FNDC3B: variants seen among roughly 807,000 people sequenced by gnomAD.
The protein encoded by FNDC3B is fibronectin type III domain containing 3B, also known as fibronectin type III domain-containing protein 3B.
Under a neutral mutation model 151.5 loss-of-function variants are expected in FNDC3B, and 12 were observed. The ratio of observed to expected loss-of-function variants is 0.08; its 90% CI spans 0.05 to 0.13. The LOEUF (loss-of-function observed/expected upper bound fraction) is 0.13. Among genes scored for constraint, FNDC3B ranks in the 10% least tolerant of loss-of-function variants. The pLI is 1.00. For synonymous variants in FNDC3B, 528 were observed against 549.0 expected (o/e 0.96, Z 0.54); for missense variants, 1,214 against 1,505.3 (o/e 0.81, Z 3.20).
At position 172,397,215 on chromosome 3, in the gene FNDC3B, A is replaced by G. The variant is rs1560116246; in HGVS notation, c.3355A>G (p.Thr1119Ala). ...CCAAATCTCAGGCCTCCAGACCAAC[A>G]CAGACTACAGGTTCCGCGTATGTGC... ...TFQISGLQTNTDYRFRVCACR... is the reference protein window; with the variant it reads ...TFQISGLQTNADYRFRVCACR... The change falls in exon 26 of 26, where the codon ACA becomes GCA. Residue 1119 changes from threonine (T) to alanine (A), a missense_variant. Physicochemically the swap from Thr to Ala is moderately conservative, Grantham distance 58. Transcript: ENST00000415807. 1.9e-6 allele frequency: 3 copies of G among 1,614,162 alleles called. No homozygotes were observed. Among genetic ancestry groups the G allele is most frequent in the Non-Finnish European group, 2.5e-6 (3 of 1,180,010 alleles).
chr3:172,196,276 C>G (rs978529259), intron 3 of FNDC3B, among the ~76,000 whole-genome samples: 9 of 152,118 alleles, frequency 5.9e-5, no homozygotes, highest in African/African-American at 2.2e-4. Context: ...CAGCCTCGAA[C>G]TTCCAGGTTC....
intron 23 of FNDC3B, among the ~76,000 whole-genome samples, chr3:172,365,585 T>A (rs1215025397): frequency 6.6e-6 from 1 of 152,180 alleles, no homozygotes; most frequent in African/African-American, 2.4e-5. Context: ...CCTGGACTTT[T>A]ATGTTGAAAG....
At chr3:172,378,651 A>G (rs1032764434) in intron 24 of FNDC3B, among the ~76,000 whole-genome samples, 2 of 152,224 alleles carry the variant, frequency 1.3e-5, no homozygotes, top group Non-Finnish European at 2.9e-5. Flanking sequence ...GTAGGTATGC[A>G]TGTTTATCAA....
At chr3:172,335,187 G>T (rs578262053) in intron 15 of FNDC3B, 105 bp downstream of exon 15, 1 of 1,237,862 alleles carries the variant, frequency 8.1e-7, no homozygotes, top group South Asian at 1.8e-5. Flanking sequence ...ATTGTGGATG[G>T]TATTTGCAGA....
chr3:172,081,987 T>A (rs1393687828), intron 1 of FNDC3B, among the ~76,000 whole-genome samples: 2 of 152,212 alleles, frequency 1.3e-5, no homozygotes, highest in Non-Finnish European at 1.5e-5. Flanking sequence ...TTTCTATGGA[T>A]GTGAATATTC....
At chr3:172,264,073 A>T (rs1728796937) in intron 6 of FNDC3B, among the ~76,000 whole-genome samples, 1 of 152,086 alleles carries the variant, frequency 6.6e-6, no homozygotes, top group African/African-American at 2.4e-5. Flanking sequence ...TGCAGCCTCA[A>T]CCTCCTTGGC....
rs1559981564 is a variant in FNDC3B, at chr3:172,133,554, C to T, written c.187+8C>T. 3 of 1,591,870 alleles carry T rather than the reference C, an allele frequency of 1.9e-6. No homozygotes were observed. Among genetic ancestry groups the T allele is most frequent in the Middle Eastern group, 1.7e-4 (1 of 6,010 alleles). On this transcript the variant is annotated splice_region_variant and intron_variant, in intron 3 of 25. Transcript: ENST00000415807. ...CACTTCAGTGCATTCAAGGTAAGGA[C>T]ATTTTTGGTAAATATTCTAATCAAA...
intron 2 of FNDC3B, among the ~76,000 whole-genome samples, chr3:172,130,572 C>T (rs1340792807): frequency 3.3e-5 from 5 of 152,102 alleles, no homozygotes; most frequent in Admixed American, 2.0e-4. Context: ...GCCTCTGCGT[C>T]GTTCTTTGAA....
intron 9 of FNDC3B, among the ~76,000 whole-genome samples, chr3:172,305,068 A>G (rs1271727282): frequency 6.6e-6 from 1 of 152,314 alleles, no homozygotes; most frequent in East Asian, 1.9e-4. Flanking sequence ...TAGTTTAGAT[A>G]GTAGTAGTTT....
intron 22 of FNDC3B, among the ~76,000 whole-genome samples, chr3:172,362,299 A>G (rs1347746300): frequency 1.3e-5 from 2 of 152,220 alleles, no homozygotes; most frequent in Non-Finnish European, 2.9e-5. Flanking sequence ...AAAACTGACC[A>G]TGAGGTAGCT....
intron 22 of FNDC3B, among the ~76,000 whole-genome samples, chr3:172,360,223 GT>G (rs1734297797): frequency 6.6e-6 from 1 of 152,134 alleles, no homozygotes; most frequent in African/African-American, 2.4e-5. Context: ...TGTCAAACAT[GT>G]TTTTGTGTCC....
At chr3:172,321,375 G>A (rs562558819) in intron 11 of FNDC3B, among the ~76,000 whole-genome samples, 9 of 152,148 alleles carry the variant, frequency 5.9e-5, no homozygotes, top group Non-Finnish European at 1.2e-4. Flanking sequence ...GATCTTTATC[G>A]TCTAGGAGTC....
intron 4 of FNDC3B, among the ~76,000 whole-genome samples, chr3:172,232,885 G>A: frequency 6.6e-6 from 1 of 152,182 alleles, no homozygotes; most frequent in South Asian, 2.1e-4. Context: ...AGAATTAGGA[G>A]AAATGTTATG....
At chr3:172,193,108 GCCTCCCTCCCTC>G (rs10631610) in intron 3 of FNDC3B, among the ~76,000 whole-genome samples, 1,060 of 99,810 alleles carry the variant, frequency 0.011, 19 homozygotes, top group African/African-American at 0.033. Context: ...GTCATAGCCA[GCCTCCCTCCCTC>G]CCTCCCTCCC....
At chr3:172,217,518 T>C (rs1316583671) in intron 3 of FNDC3B, among the ~76,000 whole-genome samples, 1 of 151,614 alleles carries the variant, frequency 6.6e-6, no homozygotes, top group South Asian at 2.1e-4. Flanking sequence ...GTTGTTTATG[T>C]ATGTGTTATA....
chr3:172,065,961 G>T (rs1218182254), intron 1 of FNDC3B, among the ~76,000 whole-genome samples: 1 of 152,108 alleles, frequency 6.6e-6, no homozygotes, highest in Non-Finnish European at 1.5e-5. Context: ...TGATTATGTG[G>T]TTAATGTAGT....
intron 2 of FNDC3B, among the ~76,000 whole-genome samples, chr3:172,131,329 G>T (rs1197496405): frequency 3.3e-5 from 5 of 151,622 alleles, no homozygotes; most frequent in Non-Finnish European, 4.4e-5. Flanking sequence ...GGAGGCGGAG[G>T]TTGCAGTGAG....
chr3:172,350,708 C>A (rs1226300149), intron 21 of FNDC3B, among the ~76,000 whole-genome samples: 1 of 152,020 alleles, frequency 6.6e-6, no homozygotes, highest in Admixed American at 6.5e-5. Flanking sequence ...TCAAACTTAG[C>A]TGGGTGTGGT....
chr3:172,155,040 A>T (rs947994024), intron 3 of FNDC3B, among the ~76,000 whole-genome samples: 5 of 151,948 alleles, frequency 3.3e-5, no homozygotes, highest in African/African-American at 1.2e-4. Context: ...AGGATTGGAG[A>T]TGGAGGGAAG....
Sources: gnomAD v4.1 joint callset for allele counts (sites outside exome capture counted in the v4.1 genomes callset) on GRCh38, gnomAD v4.1.1 for gene constraint, MANE v1.5 for transcripts, NCBI Gene and HGNC (gene_info 2026-07-23, HGNC 2026-07-21) for gene names.